Variants in LHFPL2 observed in about 807,000 individuals in gnomAD.
LHFPL2 encodes LHFPL tetraspan subfamily member 2.
A neutral mutation model predicts 17.5 loss-of-function variants in LHFPL2; 7 were observed. The ratio of observed to expected loss-of-function variants is 0.40; its 90% CI spans 0.23 to 0.75. The LOEUF is 0.75. Among genes scored for constraint, LHFPL2 ranks in the 30% least tolerant of loss-of-function variants. LHFPL2 has a pLI of 0.37. For synonymous variants in LHFPL2, 134 were observed against 116.2 expected, an observed-to-expected ratio of 1.15 and a Z score of -0.99; for missense variants, 241 against 294.8, an observed-to-expected ratio of 0.82 and a Z score of 1.34.
intron 2 of LHFPL2, among the ~76,000 whole-genome samples, chr5:78,593,749 A>G (rs934382452): frequency 1.2e-4 from 19 of 152,150 alleles, no homozygotes; most frequent in Admixed American, 5.9e-4. Context: ...GAAGAACCTG[A>G]GAGCTCCATA....
intron 2 of LHFPL2, among the ~76,000 whole-genome samples, chr5:78,614,057 C>A (rs1351757313): frequency 6.6e-6 from 1 of 152,140 alleles, no homozygotes; most frequent in East Asian, 1.9e-4. Context: ...GATGAACAGG[C>A]CCCTAGAAAT....
rs1203689672 is a variant in LHFPL2, at chr5:78,488,108, CAT to C, written c.*787_*788del. ...CACAATCCTAACCTTAGAAGAAAAA[CAT>C]GTGATCTCCAGAAGAAGAGGAGACT... On this transcript the variant is annotated 3_prime_UTR_variant, in exon 5 of 5. Coordinates refer to ENST00000380345, the MANE Select transcript of LHFPL2 (RefSeq NM_005779.3). 5.3e-5 allele frequency: 8 copies of C among 152,232 alleles called. No individual in the cohort carries two copies. Among genetic ancestry groups the C allele is most frequent in the Non-Finnish European group, 5.9e-5 (4 of 68,074 alleles). 9.4% of individuals were successfully genotyped at this position (152,232 alleles called of 1,614,324 possible).
intron 3 of LHFPL2, among the ~76,000 whole-genome samples, chr5:78,525,184 G>T (rs1755581402): frequency 6.6e-6 from 1 of 152,164 alleles, no homozygotes; most frequent in African/African-American, 2.4e-5. Context: ...GCTCCAGAAG[G>T]TACTGCTGTG....
chr5:78,573,221 C>A (rs1216963259), intron 2 of LHFPL2, among the ~76,000 whole-genome samples: 1 of 152,164 alleles, frequency 6.6e-6, no homozygotes, highest in Non-Finnish European at 1.5e-5. Flanking sequence ...ATGGTGGGTG[C>A]AAGCACTATC....
intron 3 of LHFPL2, among the ~76,000 whole-genome samples, chr5:78,548,491 G>T (rs147580816): frequency 6.6e-6 from 1 of 152,188 alleles, no homozygotes; most frequent in Non-Finnish European, 1.5e-5. Context: ...ATTAAACTTG[G>T]TCTATGAAAG....
chr5:78,503,366 A>G (rs2112309586), intron 4 of LHFPL2, among the ~76,000 whole-genome samples: 1 of 152,296 alleles, frequency 6.6e-6, no homozygotes, highest in South Asian at 2.1e-4. Context: ...AGAGTTTGCC[A>G]TTTCCTTCCA....
At chr5:78,583,903 A>G (rs1379816250) in intron 2 of LHFPL2, among the ~76,000 whole-genome samples, 8 of 150,104 alleles carry the variant, frequency 5.3e-5, no homozygotes, top group African/African-American at 4.9e-5. Context: ...CATTCTCCCC[A>G]TCACTTTCAG....
intron 2 of LHFPL2, among the ~76,000 whole-genome samples, chr5:78,572,137 G>T (rs1286567980): frequency 6.6e-6 from 1 of 152,138 alleles, no homozygotes; most frequent in Non-Finnish European, 1.5e-5. Flanking sequence ...AGGTAGGGGG[G>T]ATTCCAGTAG....
At chr5:78,563,461 T>C (rs1281201136) in intron 3 of LHFPL2, among the ~76,000 whole-genome samples, 1 of 152,016 alleles carries the variant, frequency 6.6e-6, no homozygotes, top group Non-Finnish European at 1.5e-5. Context: ...TTTGGGAGGC[T>C]GAGGTGGGCA....
chr5:78,544,543 A>G (rs1466694574), intron 3 of LHFPL2, among the ~76,000 whole-genome samples: 1 of 152,218 alleles, frequency 6.6e-6, no homozygotes, highest in East Asian at 1.9e-4. Flanking sequence ...TTTAGCTGGG[A>G]AAACCTCTGT....
At chr5:78,568,590 G>A (rs1374606234) in intron 2 of LHFPL2, among the ~76,000 whole-genome samples, 2 of 152,220 alleles carry the variant, frequency 1.3e-5, no homozygotes, top group Non-Finnish European at 2.9e-5. Flanking sequence ...GAACCAAGGA[G>A]TGAAAATTAC....
At chr5:78,603,544 G>A (rs1034334792) in intron 2 of LHFPL2, among the ~76,000 whole-genome samples, 2 of 152,092 alleles carry the variant, frequency 1.3e-5, no homozygotes, top group Non-Finnish European at 1.5e-5. Context: ...AAATATATCC[G>A]CAGGAATGGA....
At chr5:78,639,479 A>G (rs1189409848) in intron 1 of LHFPL2, among the ~76,000 whole-genome samples, 1 of 152,258 alleles carries the variant, frequency 6.6e-6, no homozygotes, top group Non-Finnish European at 1.5e-5. Flanking sequence ...GCATGAATCC[A>G]TGCAGAGTCA....
At chr5:78,575,515 C>T (rs1389732715) in intron 2 of LHFPL2, among the ~76,000 whole-genome samples, 1 of 152,116 alleles carries the variant, frequency 6.6e-6, no homozygotes, top group Non-Finnish European at 1.5e-5. Flanking sequence ...CGCCACTGCA[C>T]TCCAGCCTGG....
intron 3 of LHFPL2, among the ~76,000 whole-genome samples, chr5:78,548,166 G>A (rs1469386345): frequency 6.6e-6 from 1 of 152,254 alleles, no homozygotes; most frequent in African/African-American, 2.4e-5. Flanking sequence ...TAGCATGACT[G>A]TCACGATCCT....
intron 3 of LHFPL2, among the ~76,000 whole-genome samples, chr5:78,510,914 G>T (rs923296654): frequency 6.6e-6 from 1 of 152,310 alleles, no homozygotes; most frequent in East Asian, 1.9e-4. Context: ...GTAGAGAGTA[G>T]CAACACCCCG....
intron 2 of LHFPL2, among the ~76,000 whole-genome samples, chr5:78,579,001 T>A (rs1757209663): frequency 6.6e-6 from 1 of 152,194 alleles, no homozygotes; most frequent in Non-Finnish European, 1.5e-5. Flanking sequence ...GAGCTGTGGT[T>A]GAGGTAGGCC....
At chr5:78,557,847 G>C (rs1350175540) in intron 3 of LHFPL2, among the ~76,000 whole-genome samples, 1 of 152,176 alleles carries the variant, frequency 6.6e-6, no homozygotes, top group African/African-American at 2.4e-5. Context: ...CCAAGTGGCT[G>C]GCCTGTGGCT....
chr5:78,578,993 G>A (rs1005490973), intron 2 of LHFPL2, among the ~76,000 whole-genome samples: 2 of 152,196 alleles, frequency 1.3e-5, no homozygotes, highest in Admixed American at 6.5e-5. Context: ...TTCACCAAGA[G>A]CTGTGGTTGA....
Sources: gnomAD v4.1 joint callset for allele counts (sites outside exome capture counted in the v4.1 genomes callset) on GRCh38, gnomAD v4.1.1 for gene constraint, MANE v1.5 for transcripts, NCBI Gene and HGNC (gene_info 2026-07-23, HGNC 2026-07-21) for gene names.